Variants in KSR1 observed in about 807,000 individuals in gnomAD.
KSR1 encodes the protein kinase suppressor of ras 1, also known as kinase suppressor of ras.
KSR1 carries 35 observed loss-of-function variants against 92.9 expected under a neutral mutation model. The observed-to-expected ratio is 0.38, with a 90% confidence interval of 0.29 to 0.50. KSR1 has a LOEUF of 0.50. KSR1 is among the 20% of genes least tolerant of loss of function. The pLI is 0.94. For missense variants in KSR1, 972 were observed against 1,158.5 expected (o/e 0.84, Z 2.34); for synonymous variants, 467 against 472.6 (o/e 0.99, Z 0.15).
At chr17:27,558,244 G>T (rs548296005) in intron 2 of KSR1, 1 of 150,230 alleles carries the variant, frequency 6.7e-6, no homozygotes, top group Admixed American at 6.7e-5. Flanking sequence ...TTAAAATGAC[G>T]TGCAAATTTA....
Position 27,617,230 on chromosome 17 carries a change from C to T in KSR1, c.2494-65C>T, listed in dbSNP as rs117186672. The T allele has an allele frequency of 1.5e-3, 2,293 of 1,537,084 alleles. 57 individuals carry two copies. In the East Asian group the frequency reaches 0.044, roughly 29 times the overall value. The stretch of plus-strand genomic sequence containing the variant: ...CATCAAAGGGACCCTTTGTGGAGCA[C>T]CCCTACTGTGTGCCCCCTCCCTCCC... On this transcript the variant is annotated intron_variant, in intron 18 of 20. Transcript: ENST00000644974.
intron 1 of KSR1, among the ~76,000 whole-genome samples, chr17:27,460,834 C>G (rs1032635232): frequency 2.0e-5 from 3 of 152,144 alleles, no homozygotes; most frequent in African/African-American, 7.2e-5. Context: ...AGGCACGTTC[C>G]CTGGACAGAC....
At chr17:27,528,887 A>G (rs965635132) in intron 1 of KSR1, among the ~76,000 whole-genome samples, 1 of 152,138 alleles carries the variant, frequency 6.6e-6, no homozygotes, top group Admixed American at 6.5e-5. Flanking sequence ...CCTGGGTGAC[A>G]AGAGAGACCC....
At chr17:27,608,269 C>A (rs1427687519) in intron 15 of KSR1, among the ~76,000 whole-genome samples, 1 of 152,172 alleles carries the variant, frequency 6.6e-6, no homozygotes, top group Non-Finnish European at 1.5e-5. Flanking sequence ...GCTTTAGAGG[C>A]CAGTTTCAAT....
chr17:27,457,033 C>G (rs1300653634), intron 1 of KSR1, among the ~76,000 whole-genome samples, 159 bp downstream of exon 1: 2 of 152,170 alleles, frequency 1.3e-5, no homozygotes, highest in South Asian at 4.1e-4. Flanking sequence ...CCGGAGGACC[C>G]GGGACCAGCC....
chr17:27,574,457 G>GA (rs5819816), intron 2 of KSR1, among the ~76,000 whole-genome samples: 87,726 of 151,988 alleles, frequency 0.58, 25,546 homozygotes, highest in Admixed American at 0.69. Context: ...ATTTTGGTGT[G>GA]ATCATGCTAA....
intron 7 of KSR1, among the ~76,000 whole-genome samples, chr17:27,591,251 A>G (rs2073157356): frequency 6.6e-6 from 1 of 152,204 alleles, no homozygotes; most frequent in South Asian, 2.1e-4. Context: ...TGGTAAAAAC[A>G]GGGAGTTGGC....
chr17:27,539,394 A>G (rs2070874723), intron 1 of KSR1, among the ~76,000 whole-genome samples: 1 of 152,208 alleles, frequency 6.6e-6, no homozygotes, highest in Non-Finnish European at 1.5e-5. Context: ...GCCTCCCAGC[A>G]GAAGCACCGA....
chr17:27,533,612 G>C (rs2070634793), intron 1 of KSR1, among the ~76,000 whole-genome samples: 2 of 152,110 alleles, frequency 1.3e-5, no homozygotes, highest in Non-Finnish European at 2.9e-5. Context: ...TCGATCTCTT[G>C]ACCTTGTGGT....
chr17:27,509,654 TCTA>T (rs2069525721), intron 1 of KSR1, among the ~76,000 whole-genome samples: 1 of 105,534 alleles, frequency 9.5e-6, no homozygotes, highest in South Asian at 3.9e-4. Flanking sequence ...AGAGTTTGTC[TCTA>T]GTTTAAAACA....
At chr17:27,539,552 G>A (rs367661187) in intron 1 of KSR1, among the ~76,000 whole-genome samples, 31 of 152,326 alleles carry the variant, frequency 2.0e-4, no homozygotes, top group African/African-American at 6.0e-4. Context: ...GCTTACGACC[G>A]TTGTCCTTGG....
At chr17:27,526,893 A>G in intron 1 of KSR1, 1 of 641,912 alleles carries the variant, frequency 1.6e-6, no homozygotes, top group South Asian at 1.9e-5. Context: ...CATGCTGGTG[A>G]TCTCCTTCCC....
chr17:27,569,079 A>AT (rs1320573100), intron 2 of KSR1, among the ~76,000 whole-genome samples: 6 of 152,154 alleles, frequency 3.9e-5, no homozygotes, highest in Admixed American at 2.0e-4. Context: ...TAATGTATTC[A>AT]TTTTGACTCA....
At chr17:27,490,227 C>T (rs1435254458) in intron 1 of KSR1, among the ~76,000 whole-genome samples, 1 of 152,144 alleles carries the variant, frequency 6.6e-6, no homozygotes, top group Non-Finnish European at 1.5e-5. Context: ...AAAAGTTAAG[C>T]ATATAGTAAA....
At chr17:27,569,802 C>CT (rs939186447) in intron 2 of KSR1, among the ~76,000 whole-genome samples, 5 of 152,236 alleles carry the variant, frequency 3.3e-5, no homozygotes, top group Non-Finnish European at 5.9e-5. Context: ...TGAAGAGACT[C>CT]TGTGTGGCTT....
rs77140496 is a variant in KSR1 at position 27,544,377 on chromosome 17, A to G, written c.232-6191A>G. ...AATGATACTCTTTTTATAGGTGGTA[A>G]GACTGAAGCTGAGCCAAGGGGGATT... On this transcript the variant is annotated intron_variant, in intron 1 of 20. Coordinates refer to ENST00000644974, the MANE Select transcript of KSR1 (RefSeq NM_001394583.1). Among the ~76,000 whole-genome samples, 163 of 152,332 alleles carry G rather than the reference A, an allele frequency of 1.1e-3. 1 individual carries two copies. Among genetic ancestry groups the G allele is most frequent in the South Asian group, 1.7e-3 (8 of 4,822 alleles).
chr17:27,498,387 A>G (rs909886725), intron 1 of KSR1, among the ~76,000 whole-genome samples: 1 of 151,746 alleles, frequency 6.6e-6, no homozygotes, highest in African/African-American at 2.4e-5. Flanking sequence ...CTACTTACAC[A>G]CAACTTGATG....
intron 1 of KSR1, among the ~76,000 whole-genome samples, chr17:27,545,322 A>G (rs117895613): frequency 1.4e-4 from 21 of 152,282 alleles, no homozygotes; most frequent in Non-Finnish European, 2.8e-4. Flanking sequence ...CTGCCATTTG[A>G]TAAACTTTGT....
At chr17:27,568,731 A>C (rs1038346932) in intron 2 of KSR1, among the ~76,000 whole-genome samples, 1 of 152,204 alleles carries the variant, frequency 6.6e-6, no homozygotes, top group Non-Finnish European at 1.5e-5. Context: ...ACCGCATCCC[A>C]GTTTGCCGGC....
Sources: allele counts gnomAD v4.1 joint callset (sites outside exome capture counted in the v4.1 genomes callset), GRCh38; gene constraint gnomAD v4.1.1; transcripts MANE v1.5; gene names NCBI Gene and HGNC (gene_info 2026-07-23, HGNC 2026-07-21).